SIPA1L2: variants seen among roughly 807,000 people sequenced by gnomAD.
SIPA1L2 encodes the protein signal-induced proliferation-associated 1-like protein 2.
A neutral mutation model predicts 163.9 loss-of-function variants in SIPA1L2; 56 were observed. The observed-to-expected ratio is 0.34, with a 90% confidence interval of 0.28 to 0.43. The LOEUF (loss-of-function observed/expected upper bound fraction) is 0.43. Ranked by LOEUF, SIPA1L2 falls within the 20% of genes least tolerant of loss-of-function variation. SIPA1L2 has a pLI of 1.00. For synonymous variants in SIPA1L2, 877 were observed against 865.7 expected, an observed-to-expected ratio of 1.01 and a Z score of -0.23; for missense variants, 1,974 against 2,193.5, an observed-to-expected ratio of 0.90 and a Z score of 2.00.
intron 2 of SIPA1L2, among the ~76,000 whole-genome samples, chr1:232,572,738 C>CATATAT (rs1219493276): frequency 5.5e-4 from 22 of 39,674 alleles, no homozygotes; most frequent in South Asian, 1.1e-3. Context: ...TACATACATA[C>CATATAT]ATATATATAT....
chr1:232,483,021 T>A (rs1665443872), intron 6 of SIPA1L2, among the ~76,000 whole-genome samples: 1 of 152,208 alleles, frequency 6.6e-6, no homozygotes, highest in Non-Finnish European at 1.5e-5. Context: ...TGCCTGCTAT[T>A]TCAGATACTC....
rs1420520163 is a variant in SIPA1L2, at chr1:232,432,331, C to G, written c.4172G>C (p.Gly1391Ala). The change falls in exon 16 of 23, where the codon GGG becomes GCG. Residue 1391 changes from glycine to alanine, a missense_variant. By Grantham distance (60) the Gly-to-Ala change is moderately conservative. This residue lies in a region of SIPA1L2 where 1,079 missense variants were observed against 1,150.7 expected (regional missense o/e 0.94). Transcript: ENST00000674635. Reference protein sequence around the residue: ...GSMSKPYHRQGAVNKYVIGWK... With the variant: ...GSMSKPYHRQAAVNKYVIGWK... ...GCCGATGACATATTTGTTCACTGCC[C>G]CTTGTCTGTGGTAGGGCTTGGACAT... 6.2e-7 allele frequency: 1 copy of G among 1,614,182 alleles called. No individual in the cohort carries two copies. Among genetic ancestry groups the G allele is most frequent in the Non-Finnish European group, 8.5e-7 (1 of 1,180,026 alleles).
At chr1:232,611,342 G>C (rs1573173205) in intron 1 of SIPA1L2, among the ~76,000 whole-genome samples, 1 of 152,194 alleles carries the variant, frequency 6.6e-6, no homozygotes, top group Non-Finnish European at 1.5e-5. Context: ...GAAAATGTGG[G>C]AGCGACTTTG....
intron 2 of SIPA1L2, among the ~76,000 whole-genome samples, chr1:232,532,867 G>A (rs1049969893): frequency 2.6e-5 from 4 of 152,192 alleles, no homozygotes; most frequent in African/African-American, 9.7e-5. Flanking sequence ...TACCTCTACT[G>A]CAGGAGAAAC....
At chr1:232,485,147 A>G (rs1665582123) in intron 5 of SIPA1L2, among the ~76,000 whole-genome samples, 1 of 152,196 alleles carries the variant, frequency 6.6e-6, no homozygotes, top group Non-Finnish European at 1.5e-5. Flanking sequence ...CTACCCATAT[A>G]TTCTGAATGC....
At chr1:232,570,945 T>TAAA (rs11300623) in intron 2 of SIPA1L2, among the ~76,000 whole-genome samples, 71 of 76,784 alleles carry the variant, frequency 9.2e-4, no homozygotes, top group African/African-American at 9.4e-4. Flanking sequence ...CCAGAAACTA[T>TAAA]AAAAAAAAAA....
intron 5 of SIPA1L2, among the ~76,000 whole-genome samples, chr1:232,485,725 T>C (rs1665612805): frequency 6.6e-6 from 1 of 152,200 alleles, no homozygotes; most frequent in Admixed American, 6.5e-5. Context: ...GGCCTGAAAA[T>C]GACCACTTCC....
chr1:232,510,159 G>A (rs972291000), intron 3 of SIPA1L2, among the ~76,000 whole-genome samples: 2 of 152,084 alleles, frequency 1.3e-5, no homozygotes, highest in African/African-American at 2.4e-5. Context: ...CTTGATATTG[G>A]CAGTGCAGAT....
chr1:232,400,394 T>G (rs1660264124), intron 22 of SIPA1L2, among the ~76,000 whole-genome samples: 2 of 152,154 alleles, frequency 1.3e-5, no homozygotes, highest in Non-Finnish European at 1.5e-5. Flanking sequence ...CAAGAAGACC[T>G]TGTGCACGCT....
In SIPA1L2 at chr1:232,551,179, A is replaced by T. The variant is rs374029008; in HGVS notation, c.-270+22995T>A. Among the ~76,000 whole-genome samples, 16 of 152,360 alleles carry T rather than the reference A, an allele frequency of 1.1e-4. 1 individual carries two copies. Among genetic ancestry groups the T allele is most frequent in the Admixed American group, 7.2e-4 (11 of 15,302 alleles). On this transcript the variant is annotated intron_variant, in intron 2 of 22. Coordinates refer to ENST00000674635, the MANE Select transcript of SIPA1L2 (RefSeq NM_020808.5). ...AAGATTAGATGAGATAGCAGAATGC[A>T]TGTGTTTGGGACCTAATAGGCACTC...
chr1:232,514,463 G>T lies in SIPA1L2; in HGVS notation c.877C>A (p.Arg293=). Residue 293 remains arginine, a synonymous_variant, in exon 3 of 23, where the codon CGA becomes AGA. Transcript: ENST00000674635. ...KSESVETSLF[R]KLRTVKSEHE... is the part of the protein sequence containing the mutation. Reference sequence around the variant, plus strand: ...TCACTTTTAACAGTTCGAAGCTTTCGGAAGAGAGATGTTTCCACCGACTCT... The same window carrying T: ...TCACTTTTAACAGTTCGAAGCTTTCTGAAGAGAGATGTTTCCACCGACTCT... 1.2e-6 allele frequency: 2 copies of T among 1,614,176 alleles called. No homozygotes were observed. The highest frequency in any genetic ancestry group is 1.7e-6 in the Non-Finnish European group (2 of 1,180,034).
At chr1:232,576,684 C>G (rs1285676) in intron 1 of SIPA1L2, among the ~76,000 whole-genome samples, 9 of 151,986 alleles carry the variant, frequency 5.9e-5, no homozygotes, top group Non-Finnish European at 1.3e-4. Context: ...AAGCCTCTTG[C>G]GCCAAACAGC....
chr1:232,548,361 C>T (rs995669107), intron 2 of SIPA1L2, among the ~76,000 whole-genome samples: 1 of 152,190 alleles, frequency 6.6e-6, no homozygotes, highest in African/African-American at 2.4e-5. Context: ...TATAAACAAC[C>T]TCATTCGCCA....
chr1:232,605,548 G>C (rs1487284012), intron 1 of SIPA1L2, among the ~76,000 whole-genome samples: 2 of 152,108 alleles, frequency 1.3e-5, no homozygotes, highest in Admixed American at 1.3e-4. Context: ...TACAAAATTA[G>C]CCGGGCATGG....
chr1:232,612,999 G>A (rs181123915), intron 1 of SIPA1L2, among the ~76,000 whole-genome samples: 4 of 152,274 alleles, frequency 2.6e-5, no homozygotes, highest in Middle Eastern at 3.4e-3. Flanking sequence ...TACTGTTCTC[G>A]TGGTACTGAA....
intron 1 of SIPA1L2, among the ~76,000 whole-genome samples, chr1:232,626,230 C>CTTTTT (rs56703620): frequency 6.7e-5 from 9 of 133,724 alleles, no homozygotes; most frequent in African/African-American, 2.0e-4. Context: ...CTAATATTTG[C>CTTTTT]TTTTTTTTTT....
chr1:232,569,756 C>T (rs767028216), intron 2 of SIPA1L2, among the ~76,000 whole-genome samples: 59 of 152,064 alleles, frequency 3.9e-4, no homozygotes, highest in African/African-American at 1.4e-3. Flanking sequence ...GAGGCTGCAG[C>T]GAGCCAAGAT....
At chr1:232,620,685 C>CA (rs1422281680) in intron 1 of SIPA1L2, among the ~76,000 whole-genome samples, 1 of 152,236 alleles carries the variant, frequency 6.6e-6, no homozygotes, top group Non-Finnish European at 1.5e-5. Flanking sequence ...GTAGTTACTG[C>CA]AATGATTGCG....
intron 1 of SIPA1L2, among the ~76,000 whole-genome samples, chr1:232,626,082 C>T (rs986334335): frequency 3.9e-5 from 6 of 152,172 alleles, no homozygotes; most frequent in Admixed American, 6.5e-5. Flanking sequence ...CATATTCTTC[C>T]CCCTTTCCCC....
Sources: allele counts gnomAD v4.1 joint callset (sites outside exome capture counted in the v4.1 genomes callset), GRCh38; gene constraint gnomAD v4.1.1; regional missense constraint gnomAD v4.1.1; transcripts MANE v1.5; gene names NCBI Gene and HGNC (gene_info 2026-07-23, HGNC 2026-07-21).